The following HK1 variants were observed in gnomAD, a reference collection of about 807,000 sequenced individuals.
The protein encoded by HK1 is hexokinase-1.
In HK1, 28 loss-of-function variants were observed where a neutral mutation model predicts 91.6. That is an observed-to-expected ratio of 0.31 (90% CI 0.23 to 0.42). The LOEUF (loss-of-function observed/expected upper bound fraction) is 0.42. Among genes scored for constraint, HK1 ranks in the 10% least tolerant of loss-of-function variants. The pLI is 1.00. For synonymous variants in HK1, 430 were observed against 468.1 expected (o/e 0.92, Z 1.05); for missense variants, 770 against 1,219.8 (o/e 0.63, Z 5.49).
chr10:69,373,260 C>T (rs1053783127), intron 7 of HK1, among the ~76,000 whole-genome samples: 4 of 152,338 alleles, frequency 2.6e-5, no homozygotes, highest in African/African-American at 4.8e-5. Flanking sequence ...CTACTCATTC[C>T]ATTTGCTTTG....
chr10:69,317,512 A>C (rs1028982786), upstream of HK1, among the ~76,000 whole-genome samples: 4 of 152,170 alleles, frequency 2.6e-5, no homozygotes, highest in Admixed American at 6.5e-5. Context: ...GGCCTGGTCA[A>C]GGGCTAGGGA....
intron 13 of HK1, among the ~76,000 whole-genome samples, chr10:69,388,882 T>G (rs1216949899): frequency 1.3e-5 from 2 of 152,232 alleles, no homozygotes; most frequent in Non-Finnish European, 2.9e-5. Flanking sequence ...GCCATAATGC[T>G]TTAAACTCCA....
chr10:69,401,498 A>G lies in HK1; in HGVS notation c.*363A>G, dbSNP rs1199183570. On this transcript the variant is annotated 3_prime_UTR_variant, in exon 18 of 18. Transcript: ENST00000359426. ...ACCTGACAGGCCTTCTGGGCCTCCA[A>G]AGCCCATCCTTGGGGTTCCCCCTCC... The G allele has an allele frequency of 5.2e-5, 19 of 367,020 alleles. 1 individual carries two copies. Among genetic ancestry groups the G allele is most frequent in the South Asian group, 1.8e-4 (8 of 45,558 alleles). 22.7% of individuals were successfully genotyped at this position (367,020 alleles called of 1,614,324 possible). A position where few individuals can be genotyped will look rare whatever the true frequency, so the allele number is the denominator to read the frequency against.
chr10:69,294,828 C>T (rs1425267869), intron 3 of HK1, among the ~76,000 whole-genome samples: 1 of 152,018 alleles, frequency 6.6e-6, no homozygotes, highest in Non-Finnish European at 1.5e-5. Context: ...TGCCACTGCA[C>T]TCCAGCCTGG....
chr10:69,367,043 C>T (rs140371705), intron 4 of HK1, among the ~76,000 whole-genome samples: 1 of 152,190 alleles, frequency 6.6e-6, no homozygotes, highest in African/African-American at 2.4e-5. Flanking sequence ...TAGCCTGTTC[C>T]CCATGAAGGT....
At chr10:69,375,651 C>T (rs1475889980) in intron 7 of HK1, among the ~76,000 whole-genome samples, 1 of 152,222 alleles carries the variant, frequency 6.6e-6, no homozygotes, top group African/African-American at 2.4e-5. Context: ...GATTGTTTTG[C>T]TGTGTCACAG....
At chr10:69,347,935 T>C (rs932991463) in intron 2 of HK1, among the ~76,000 whole-genome samples, 2 of 152,212 alleles carry the variant, frequency 1.3e-5, no homozygotes, top group African/African-American at 4.8e-5. Flanking sequence ...ATACTCATTA[T>C]ACCAGGGAGC....
At chr10:69,312,356 C>T (rs1484017159), upstream of HK1, among the ~76,000 whole-genome samples, 1 of 152,168 alleles carries the variant, frequency 6.6e-6, no homozygotes, top group Non-Finnish European at 1.5e-5. Context: ...CCTGTCTAAG[C>T]CTCCTGAGTA....
chr10:69,313,952 C>T (rs1349310455), upstream of HK1, among the ~76,000 whole-genome samples: 2 of 152,046 alleles, frequency 1.3e-5, no homozygotes, highest in African/African-American at 4.8e-5. Context: ...GGACTTTGGG[C>T]AAATGAAAGA....
At chr10:69,395,499 A>T (rs548907749) in intron 16 of HK1, among the ~76,000 whole-genome samples, 1 of 152,102 alleles carries the variant, frequency 6.6e-6, no homozygotes, top group Non-Finnish European at 1.5e-5. Context: ...ACTCACTTGA[A>T]CCCAGGAGGT....
intron 1 of HK1, among the ~76,000 whole-genome samples, chr10:69,336,851 C>T (rs1848018752): frequency 6.6e-6 from 1 of 151,754 alleles, no homozygotes; most frequent in Admixed American, 6.6e-5. Flanking sequence ...CCATGTTGGC[C>T]AGGCTGGTCT....
chr10:69,401,693 A>T lies in HK1; in HGVS notation c.*558A>T. 1 of 291,512 alleles carries T rather than the reference A, an allele frequency of 3.4e-6. No homozygotes were observed. Among genetic ancestry groups the T allele is most frequent in the Non-Finnish European group, 6.8e-6 (1 of 146,090 alleles). The allele number at this position is 291,512 out of a possible 1,614,324, so 18.1% of individuals were successfully genotyped here. ...TGCCACAAAATCGTGTGTCCGTGGA[A>T]CCAGTCCTAGCCGCGTGTGACAGTC... is the stretch of plus-strand genomic sequence containing the variant. On this transcript the variant is annotated 3_prime_UTR_variant, in exon 18 of 18. Transcript: ENST00000359426.
At chr10:69,332,392 T>TCTTTCTTTCTTTC (rs1369494121) in intron 1 of HK1, among the ~76,000 whole-genome samples, 20 of 151,160 alleles carry the variant, frequency 1.3e-4, no homozygotes, top group East Asian at 3.9e-4. Context: ...TTTTTTTCTT[T>TCTTTCTTTCTTTC]TTTTGAGACA....
chr10:69,300,355 A>T, intron 4 of HK1: 1 of 459,216 alleles, frequency 2.2e-6, no homozygotes, highest in South Asian at 2.2e-5. Flanking sequence ...ATATATCAAA[A>T]GGTTATTCCT....
chr10:69,341,164 C>CTTT (rs1344980570), intron 1 of HK1, among the ~76,000 whole-genome samples: 1 of 151,600 alleles, frequency 6.6e-6, no homozygotes, highest in African/African-American at 2.4e-5. Context: ...ATATTTCTTT[C>CTTT]TTTCTTTTTT....
intron 5 of HK1, among the ~76,000 whole-genome samples, chr10:69,307,666 C>T (rs918430767): frequency 1.4e-4 from 22 of 152,008 alleles, no homozygotes; most frequent in Admixed American, 3.9e-4. Flanking sequence ...GGGGATATTA[C>T]GAGTATCCAC....
upstream of HK1, among the ~76,000 whole-genome samples, chr10:69,316,833 G>C (rs1846671738): frequency 6.6e-6 from 1 of 152,204 alleles, no homozygotes; most frequent in South Asian, 2.1e-4. Context: ...GCAAAACATA[G>C]TCCTCCATCC....
chr10:69,315,933 A>T, upstream of HK1: 2 of 1,613,544 alleles, frequency 1.2e-6, no homozygotes, highest in Non-Finnish European at 1.7e-6. Flanking sequence ...CCCTGTAAAG[A>T]GGAGTCTGGG....
intron 2 of HK1, among the ~76,000 whole-genome samples, chr10:69,351,475 G>T (rs61870056): frequency 2.6e-5 from 4 of 151,742 alleles, no homozygotes; most frequent in Admixed American, 2.0e-4. Context: ...CGCCATTGCC[G>T]TCCAGCCTGG....
Sources: gnomAD v4.1 joint callset for allele counts (sites outside exome capture counted in the v4.1 genomes callset) on GRCh38, gnomAD v4.1.1 for gene constraint, MANE v1.5 for transcripts, NCBI Gene and HGNC (gene_info 2026-07-23, HGNC 2026-07-21) for gene names.